Variants in MYOM3 observed in about 807,000 individuals in gnomAD.
The protein encoded by MYOM3 is myomesin 3, also known as myomesin-3.
MYOM3 carries 155 observed loss-of-function variants against 191.7 expected under a neutral mutation model. That is an observed-to-expected ratio of 0.81 (90% CI 0.71 to 0.92). The LOEUF (loss-of-function observed/expected upper bound fraction) is 0.92, where lower values mean the gene tolerates loss of function less well. Ranked by LOEUF, MYOM3 falls within the 40% of genes least tolerant of loss-of-function variation. The pLI is 0.00. For synonymous variants in MYOM3, 757 were observed against 762.9 expected, an observed-to-expected ratio of 0.99 and a Z score of 0.13; for missense variants, 1,889 against 1,890.6, an observed-to-expected ratio of 1.00 and a Z score of 0.02.
chr1:24,060,810 G>A (rs1007783275), intron 35 of MYOM3, among the ~76,000 whole-genome samples: 1 of 152,028 alleles, frequency 6.6e-6, no homozygotes, highest in Admixed American at 6.6e-5. Context: ...CCTCCTTTTC[G>A]GTCCCACCAA....
At chr1:24,103,764 A>ATAAC (rs58711427) in intron 5 of MYOM3, among the ~76,000 whole-genome samples, 21,313 of 151,842 alleles carry the variant, frequency 0.14, 2,104 homozygotes, top group African/African-American at 0.28. Context: ...TCTTAATTGA[A>ATAAC]TAACTGTCTT....
intron 27 of MYOM3, among the ~76,000 whole-genome samples, chr1:24,067,387 TTTCCTTCC>T (rs55795415): frequency 0.064 from 4,003 of 62,712 alleles, 318 homozygotes; most frequent in African/African-American, 0.1. Context: ...TTTCTTTCTT[TTTCCTTCC>T]TTCCTTCCTT....
intron 7 of MYOM3, among the ~76,000 whole-genome samples, chr1:24,096,343 C>A (rs1261523184): frequency 6.6e-6 from 1 of 152,150 alleles, no homozygotes; most frequent in East Asian, 1.9e-4. Context: ...GTAGGAGAAG[C>A]AGAGGGTTGG....
intron 27 of MYOM3, among the ~76,000 whole-genome samples, chr1:24,067,582 C>T (rs1055043546): frequency 6.6e-6 from 1 of 151,750 alleles, no homozygotes; most frequent in Non-Finnish European, 1.5e-5. Context: ...GTGGCTCAGC[C>T]TCCTGAGTAG....
rs765686506 is a variant in MYOM3, at chr1:24,068,001, A to G, written c.3324T>C (p.Asp1108=). The change falls in exon 27 of 37, where the codon GAT becomes GAC. Residue 1108 remains aspartate, a synonymous_variant. Coordinates refer to ENST00000374434, the MANE Select transcript of MYOM3 (RefSeq NM_152372.4). ...TTCTCTTCCAGTCCCTTCTCTTAGC[A>G]TCTGCCTTCCTCAGAAGCTTGTCAA... ...DDFDKLLRKA[D]AKRRDWKRKQ... 7.4e-6 allele frequency: 12 copies of G among 1,614,184 alleles called. No individual in the cohort carries two copies. The highest frequency in any genetic ancestry group is 1.0e-5 in the Non-Finnish European group (12 of 1,180,020).
rs756675656 is a variant in MYOM3, at chr1:24,107,250, A to G, written c.243-18T>C. ...GGGCTTCCCTGCCGTGACAGAGGCC[A>G]TCGGGGCTCAGGCAGGGATGGGGGA... is the stretch of plus-strand genomic sequence containing the variant. On this transcript the variant is annotated intron_variant, in intron 3 of 36. Coordinates refer to ENST00000374434, the MANE Select transcript of MYOM3 (RefSeq NM_152372.4). 4.4e-6 allele frequency: 7 copies of G among 1,583,412 alleles called. No individual in the cohort carries two copies. The highest frequency in any genetic ancestry group is 1.8e-5 in the Admixed American group (1 of 56,844).
intron 25 of MYOM3, 90 bp from the exon 26 acceptor site, chr1:24,068,457 A>G (rs1304409314): frequency 1.0e-5 from 15 of 1,504,066 alleles, no homozygotes; most frequent in Non-Finnish European, 9.1e-6. Flanking sequence ...TGGGGGTGGT[A>G]AGCACAGAGC....
Position 24,094,936 on chromosome 1 carries a change from G to A in MYOM3, c.845C>T (p.Ala282Val), listed in dbSNP as rs1228846348. ...EFTSVLKPVF[A>V]REKEPFSLSC... ...CAGGGAGAAGGGTTCCTTCTCACGAGCAAAGACTGGCTTCAGCACCGAGGT... is the reference window on the plus strand; with the variant it reads ...CAGGGAGAAGGGTTCCTTCTCACGAACAAAGACTGGCTTCAGCACCGAGGT... The change falls in exon 9 of 37, where the codon GCT becomes GTT. Residue 282 changes from alanine to valine, a missense_variant. By Grantham distance (64) the Ala-to-Val change is moderately conservative. Coordinates refer to ENST00000374434, the MANE Select transcript of MYOM3 (RefSeq NM_152372.4). 1 of 1,614,090 alleles carries A rather than the reference G, an allele frequency of 6.2e-7. No homozygotes were observed.
intron 23 of MYOM3, among the ~76,000 whole-genome samples, chr1:24,072,580 G>T (rs1199451735): frequency 6.6e-6 from 1 of 152,048 alleles, no homozygotes; most frequent in African/African-American, 2.4e-5. Context: ...TGTTGCCCAG[G>T]CTGGAGTGCA....
intron 23 of MYOM3, among the ~76,000 whole-genome samples, chr1:24,073,861 TAAAA>T (rs55682709): frequency 9.8e-5 from 8 of 81,512 alleles, no homozygotes; most frequent in Non-Finnish European, 1.3e-4. Context: ...AGACTCCGTC[TAAAA>T]AAAAAAAAAA....
rs1251575608 is a variant in MYOM3, at chr1:24,081,471, A to C, written c.2281-15T>G. ...AGGTCACTGACCTTTAAGAGCAGAA[A>C]CACAAACTATGAGGCTGAGGCTGGA... On this transcript the variant is annotated splice_polypyrimidine_tract_variant and intron_variant, in intron 18 of 36. Coordinates refer to ENST00000374434, the MANE Select transcript of MYOM3 (RefSeq NM_152372.4). The C allele has an allele frequency of 6.2e-7, 1 of 1,612,750 alleles. No homozygotes were observed. Among genetic ancestry groups the C allele is most frequent in the East Asian group, 2.2e-5 (1 of 44,846 alleles).
At chr1:24,109,942 C>T (rs1314812751) in intron 1 of MYOM3, among the ~76,000 whole-genome samples, 1 of 152,244 alleles carries the variant, frequency 6.6e-6, no homozygotes, top group Non-Finnish European at 1.5e-5. Context: ...CAAGTCTAGG[C>T]CCGTGATGGC....
At chr1:24,060,591 G>A (rs796359534) in intron 35 of MYOM3, among the ~76,000 whole-genome samples, 116 of 152,310 alleles carry the variant, frequency 7.6e-4, no homozygotes, top group African/African-American at 2.6e-3. Flanking sequence ...CTTGGGTTGG[G>A]AGGTGATGAA....
At chr1:24,071,371 G>A (rs1249870434) in intron 24 of MYOM3, 118 bp from the exon 25 acceptor site, 2 of 1,198,826 alleles carry the variant, frequency 1.7e-6, no homozygotes, top group Non-Finnish European at 2.3e-6. Context: ...TAGAGAACCT[G>A]AAGGAGACTG....
chr1:24,090,086 T>G lies in MYOM3; in HGVS notation c.1465A>C (p.Ile489Leu), dbSNP rs372654786. The G allele has an allele frequency of 6.2e-7, 1 of 1,614,100 alleles. No homozygotes were observed. Among genetic ancestry groups the G allele is most frequent in the Non-Finnish European group, 8.5e-7 (1 of 1,179,968 alleles). Residue 489 changes from isoleucine to leucine, a missense_variant, in exon 13 of 37, where the codon ATC (isoleucine) becomes CTC (leucine). Ile to Leu is a conservative substitution (Grantham distance 5, BLOSUM62 2). Transcript: ENST00000374434. ...GTACCTTCAAAAGCGTCTGTGCTGA[T>G]GGTGATCTTGTTTCCCAGATCAAAG... Reference protein sequence around the residue: ...IPFDLGNKITISTDAFEDTVT... With the variant: ...IPFDLGNKITLSTDAFEDTVT...
chr1:24,095,240 A>G (rs867063513), intron 8 of MYOM3, among the ~76,000 whole-genome samples: 3 of 152,148 alleles, frequency 2.0e-5, no homozygotes, highest in Middle Eastern at 3.2e-3. Flanking sequence ...TAGGTCAGAG[A>G]ACAGCTCAGC....
chr1:24,068,092 T>C, intron 26 of MYOM3, 63 bp from the exon 27 acceptor site: 1 of 1,510,384 alleles, frequency 6.6e-7, no homozygotes, highest in South Asian at 1.1e-5. Context: ...AGAGGGGACA[T>C]GGGGTGGACA....
intron 7 of MYOM3, among the ~76,000 whole-genome samples, chr1:24,097,369 TC>T (rs1019665801): frequency 2.6e-5 from 4 of 152,192 alleles, no homozygotes; most frequent in African/African-American, 9.7e-5. Context: ...TGCAAAGTTA[TC>T]CCCTGAGAGA....
Position 24,074,325 on chromosome 1 carries a change from A to C in MYOM3, c.2859-56T>G. 5 of 1,383,832 alleles carry C rather than the reference A, an allele frequency of 3.6e-6. No individual in the cohort carries two copies. The South Asian group carries it at 6.2e-5, about 17-fold the overall frequency. 85.7% of individuals were successfully genotyped at this position (1,383,832 alleles called of 1,614,324 possible). On this transcript the variant is annotated intron_variant, in intron 22 of 36. Transcript: ENST00000374434. ...GAGGAGCTCCTTGGTCCTGTGCACTAGAGGCCTGGGAGCCAGGGAGTCCAG... is the reference window on the plus strand; with the variant it reads ...GAGGAGCTCCTTGGTCCTGTGCACTCGAGGCCTGGGAGCCAGGGAGTCCAG...
Sources: gnomAD v4.1 joint callset for allele counts (sites outside exome capture counted in the v4.1 genomes callset) on GRCh38, gnomAD v4.1.1 for gene constraint, MANE v1.5 for transcripts, NCBI Gene and HGNC (gene_info 2026-07-23, HGNC 2026-07-21) for gene names.